Variants in CMYA5 observed in about 807,000 individuals in gnomAD.
CMYA5 encodes cardiomyopathy-associated protein 5.
A neutral mutation model predicts 318.9 loss-of-function variants in CMYA5; 246 were observed. That is an observed-to-expected ratio of 0.77 (90% CI 0.70 to 0.86). The LOEUF (loss-of-function observed/expected upper bound fraction) is 0.86. Among genes scored for constraint, CMYA5 ranks in the 40% least tolerant of loss-of-function variants. The probability of loss-of-function intolerance (pLI) is 0.00; values close to 1 mark genes in which losing one functional copy is unlikely to be tolerated. For synonymous variants in CMYA5, 1,641 were observed against 1,729.5 expected, an observed-to-expected ratio of 0.95 and a Z score of 1.27; for missense variants, 4,589 against 4,678.2, an observed-to-expected ratio of 0.98 and a Z score of 0.56.
intron 12 of CMYA5, among the ~76,000 whole-genome samples, chr5:79,794,027 A>G (rs1829228853): frequency 6.6e-6 from 1 of 152,140 alleles, no homozygotes; most frequent in African/African-American, 2.4e-5. Context: ...TGAACTCACC[A>G]CAGGGTGGAG....
At chr5:79,712,396 A>G (rs1433408698) in intron 1 of CMYA5, among the ~76,000 whole-genome samples, 1 of 151,932 alleles carries the variant, frequency 6.6e-6, no homozygotes, top group Admixed American at 6.6e-5. Flanking sequence ...GTATTTTTGT[A>G]TAGATGGGGT....
At chr5:79,704,599 C>G (rs745605046) in intron 1 of CMYA5, among the ~76,000 whole-genome samples, 1 of 151,998 alleles carries the variant, frequency 6.6e-6, no homozygotes, top group Non-Finnish European at 1.5e-5. Flanking sequence ...GAGTCCCTGC[C>G]TTTGTTCTTG....
intron 1 of CMYA5, among the ~76,000 whole-genome samples, chr5:79,699,726 AG>A (rs1343840816): frequency 6.6e-6 from 1 of 152,222 alleles, no homozygotes; most frequent in Non-Finnish European, 1.5e-5. Flanking sequence ...AACTGCAGGA[AG>A]GGGTGACATT....
rs1435515823 is a variant in CMYA5, at chr5:79,712,542, G to C, written c.150-16373G>C. On this transcript the variant is annotated intron_variant, in intron 1 of 12. Transcript: ENST00000446378. ...TTTTTTCTTCTTAAAAAATGACAGAGAAAAAAAAAAGTGTTGCCAAACACT... is the reference window on the plus strand; with the variant it reads ...TTTTTTCTTCTTAAAAAATGACAGACAAAAAAAAAAGTGTTGCCAAACACT... Among the ~76,000 whole-genome samples the C allele has an allele frequency of 2.0e-5, 3 of 146,878 alleles. No individual in the cohort carries two copies. In the East Asian group the frequency reaches 5.9e-4, roughly 29 times the overall value.
chr5:79,737,098 C>G lies in CMYA5; in HGVS notation c.8333C>G (p.Thr2778Arg). 6.2e-7 allele frequency: 1 copy of G among 1,613,500 alleles called. No homozygotes were observed. Among genetic ancestry groups the G allele is most frequent in the Non-Finnish European group, 8.5e-7 (1 of 1,179,724 alleles). Residue 2778 changes from threonine (T) to arginine (R), a missense_variant, in exon 2 of 13, where the codon ACA (threonine) becomes AGA (arginine). Thr to Arg is a moderately conservative substitution (Grantham distance 71). Coordinates refer to ENST00000446378, the MANE Select transcript of CMYA5 (RefSeq NM_153610.5). The stretch of plus-strand genomic sequence containing the variant: ...TGGAAAGGTGGTTCAGTAGATATCA[C>G]AAAAGAAAGTATGAAAGAAGGATTT... ...ELWKGGSVDI[T>R]KESMKEGFPS...
chr5:79,793,723 C>A, intron 12 of CMYA5, 113 bp downstream of exon 12: 2 of 934,562 alleles, frequency 2.1e-6, no homozygotes, highest in South Asian at 1.9e-5. Flanking sequence ...AACTTCTGAG[C>A]CAACTAAGAA....
At chr5:79,704,464 G>C (rs1460231232) in intron 1 of CMYA5, among the ~76,000 whole-genome samples, 6 of 152,080 alleles carry the variant, frequency 3.9e-5, no homozygotes, top group Non-Finnish European at 8.8e-5. Flanking sequence ...CCCAGGAGAG[G>C]CTCCATCCTT....
At chr5:79,720,932 TA>T (rs1452804511) in intron 1 of CMYA5, among the ~76,000 whole-genome samples, 1 of 152,180 alleles carries the variant, frequency 6.6e-6, no homozygotes, top group Non-Finnish European at 1.5e-5. Flanking sequence ...GTTCTGTATC[TA>T]AGTAAATCTA....
chr5:79,729,219 A>G lies in CMYA5; in HGVS notation c.454A>G (p.Lys152Glu). Residue 152 changes from lysine to glutamate, a missense_variant, in exon 2 of 13, where the codon AAA becomes GAA. Lys to Glu is a moderately conservative substitution (Grantham distance 56). Around this residue, in one of 3 missense-constraint regions of CMYA5, gnomAD observed 2,132 missense variants for 2,131.3 expected, o/e 1.00. Coordinates refer to ENST00000446378, the MANE Select transcript of CMYA5 (RefSeq NM_153610.5). ...ATCATTACGCCGGAAAGGCAACAGA[A>G]AAAGAAATTCTTTTGAATCCCAAGA... ...SPSLRRKGNR[K>E]RNSFESQDVP... 6.2e-7 allele frequency: 1 copy of G among 1,613,064 alleles called. No individual in the cohort carries two copies. Among genetic ancestry groups the G allele is most frequent in the Non-Finnish European group, 8.5e-7 (1 of 1,179,670 alleles).
intron 1 of CMYA5, among the ~76,000 whole-genome samples, chr5:79,717,597 A>AGT (rs1561200310): frequency 6.6e-6 from 1 of 152,186 alleles, no homozygotes; most frequent in African/African-American, 2.4e-5. Flanking sequence ...AGGCATGAAG[A>AGT]GTGAAGCCTA....
At chr5:79,749,946 A>G (rs1260813798) in intron 5 of CMYA5, among the ~76,000 whole-genome samples, 1 of 151,966 alleles carries the variant, frequency 6.6e-6, no homozygotes, top group Non-Finnish European at 1.5e-5. Context: ...TCTCCCTGTG[A>G]GCAGTTAGTC....
At chr5:79,722,372 TTA>T (rs1463678879) in intron 1 of CMYA5, among the ~76,000 whole-genome samples, 1 of 152,102 alleles carries the variant, frequency 6.6e-6, no homozygotes, top group African/African-American at 2.4e-5. Flanking sequence ...AGTTTGAAAA[TTA>T]ATGACATAAG....
chr5:79,728,991 G>T lies in CMYA5; in HGVS notation c.226G>T (p.Val76Phe), dbSNP rs1326051616. Residue 76 changes from valine to phenylalanine, a missense_variant, in exon 2 of 13, where the codon GTC (valine) becomes TTC (phenylalanine). By Grantham distance (50) the Val-to-Phe change is conservative. This residue lies in a region of CMYA5 where 2,132 missense variants were observed against 2,131.3 expected (regional missense o/e 1.00). Transcript: ENST00000446378. Reference sequence around the variant, plus strand: ...TGACCCCTCCTTTTCCATGGTGACAGTCCAAAGGGAAGATAGTGGGATAAC... The same window carrying T: ...TGACCCCTCCTTTTCCATGGTGACATTCCAAAGGGAAGATAGTGGGATAAC... Reference protein sequence around the residue: ...ISDPSFSMVTVQREDSGITWE... With the variant: ...ISDPSFSMVTFQREDSGITWE... 2 of 1,613,804 alleles carry T rather than the reference G, an allele frequency of 1.2e-6. No homozygotes were observed. The highest frequency in any genetic ancestry group is 2.2e-5 in the South Asian group (2 of 91,068).
intron 6 of CMYA5, among the ~76,000 whole-genome samples, chr5:79,753,754 AAC>A (rs1342648556): frequency 3.2e-5 from 4 of 123,282 alleles, no homozygotes; most frequent in African/African-American, 1.1e-4. Context: ...GACACCACAC[AAC>A]ACACAAAAAC....
At position 79,731,222 on chromosome 5, in the gene CMYA5, A is replaced by T. The variant is rs933594075; in HGVS notation, c.2457A>T (p.Ala819=). The part of the protein sequence containing the change: ...QESQKKIINE[A]SQFKPKGISE... ...CTCAAAAGAAAATAATCAATGAGGC[A>T]TCCCAATTCAAACCAAAAGGTATTT... Residue 819 remains alanine, a synonymous_variant, in exon 2 of 13, where the codon GCA becomes GCT. Transcript: ENST00000446378. 3 of 1,614,044 alleles carry T rather than the reference A, an allele frequency of 1.9e-6. No individual in the cohort carries two copies. The highest frequency in any genetic ancestry group is 2.7e-5 in the African/African-American group (2 of 75,062).
chr5:79,789,508 T>C (rs1829139295), intron 10 of CMYA5, among the ~76,000 whole-genome samples: 1 of 152,008 alleles, frequency 6.6e-6, no homozygotes. Context: ...CACTGCACCC[T>C]CTGCCTCCTA....
rs1217281487 is a variant in CMYA5 at position 79,729,914 on chromosome 5, C to T, written c.1149C>T (p.Pro383=). The part of the protein sequence containing the change: ...PHEVEPPSVT[P]DTPATMFLRT... Reference sequence around the variant, plus strand: ...AAGTGGAACCTCCATCTGTGACACCCGACACACCTGCAACTATGTTCCTGA... The same window carrying T: ...AAGTGGAACCTCCATCTGTGACACCTGACACACCTGCAACTATGTTCCTGA... Residue 383 remains proline, a synonymous_variant, in exon 2 of 13, where the codon CCC becomes CCT. Transcript: ENST00000446378. The T allele has an allele frequency of 2.6e-5, 42 of 1,613,200 alleles. No homozygotes were observed. The highest frequency in any genetic ancestry group is 1.6e-4 in the Middle Eastern group (1 of 6,084).
chr5:79,735,047 T>C lies in CMYA5; in HGVS notation c.6282T>C (p.Pro2094=). The C allele has an allele frequency of 6.2e-7, 1 of 1,613,838 alleles. No homozygotes were observed. Among genetic ancestry groups the C allele is most frequent in the Non-Finnish European group, 8.5e-7 (1 of 1,179,820 alleles). ...GNEKEAHRST[P]PFPEEKPLEE... ...AAAAAGAAGCACACAGGAGCACACC[T>C]CCTTTTCCTGAAGAGAAGCCATTGG... Residue 2094 remains proline, a synonymous_variant, in exon 2 of 13, where the codon CCT becomes CCC. Transcript: ENST00000446378.
At chr5:79,787,743 A>G (rs1829106019) in intron 9 of CMYA5, among the ~76,000 whole-genome samples, 1 of 152,220 alleles carries the variant, frequency 6.6e-6, no homozygotes, top group South Asian at 2.1e-4. Context: ...GGAGCACAAC[A>G]TGAGTTTTGT....
Sources: gnomAD v4.1 joint callset for allele counts (sites outside exome capture counted in the v4.1 genomes callset) on GRCh38, gnomAD v4.1.1 for gene constraint, gnomAD v4.1.1 regional missense constraint, MANE v1.5 for transcripts, NCBI Gene and HGNC (gene_info 2026-07-23, HGNC 2026-07-21) for gene names.